AGBL4: variants seen among roughly 807,000 people sequenced by gnomAD.
AGBL4 encodes cytosolic carboxypeptidase 6.
Under a neutral mutation model 66.4 loss-of-function variants are expected in AGBL4, and 58 were observed. The ratio of observed to expected loss-of-function variants is 0.87; its 90% CI spans 0.71 to 1.09. AGBL4 has a LOEUF of 1.09. Ranked by LOEUF, AGBL4 falls within the 50% of genes least tolerant of loss-of-function variation. The pLI is 0.00. For missense variants in AGBL4, 579 were observed against 631.0 expected (o/e 0.92, Z 0.88); for synonymous variants, 234 against 222.9 (o/e 1.05, Z -0.44).
chr1:49,464,692 C>T (rs548785010), intron 3 of AGBL4, among the ~76,000 whole-genome samples: 1 of 151,762 alleles, frequency 6.6e-6, no homozygotes, highest in East Asian at 2.0e-4. Context: ...AGTGAGATAA[C>T]ACAGGCACAT....
intron 2 of AGBL4, among the ~76,000 whole-genome samples, chr1:49,849,393 T>TTTA (rs61688417): frequency 0.21 from 27,473 of 129,778 alleles, 2,854 homozygotes; most frequent in East Asian, 0.36. Context: ...ATTCATCTAA[T>TTTA]TTATTATTAT....
chr1:49,734,536 T>G (rs1471700384), intron 2 of AGBL4, among the ~76,000 whole-genome samples: 2 of 151,918 alleles, frequency 1.3e-5, no homozygotes, highest in Non-Finnish European at 1.5e-5. Flanking sequence ...GAAGAAAAAT[T>G]CAATTCATAA....
At chr1:48,670,391 C>G (rs1467681226) in intron 6 of AGBL4, among the ~76,000 whole-genome samples, 2 of 152,226 alleles carry the variant, frequency 1.3e-5, no homozygotes, top group African/African-American at 2.4e-5. Flanking sequence ...GCAGCCTCCT[C>G]TCACTACACT....
At chr1:49,711,450 A>T (rs933132498) in intron 2 of AGBL4, among the ~76,000 whole-genome samples, 1 of 152,124 alleles carries the variant, frequency 6.6e-6, no homozygotes, top group African/African-American at 2.4e-5. Flanking sequence ...ATCAATCTCA[A>T]ATCATTATGT....
intron 3 of AGBL4, among the ~76,000 whole-genome samples, chr1:49,325,547 C>T (rs1236955557): frequency 6.6e-6 from 1 of 152,160 alleles, no homozygotes; most frequent in Non-Finnish European, 1.5e-5. Context: ...TTACCATTTC[C>T]ATTGCTTCTC....
chr1:49,898,473 G>T (rs548075649), intron 1 of AGBL4, among the ~76,000 whole-genome samples: 85 of 151,986 alleles, frequency 5.6e-4, no homozygotes, highest in Non-Finnish European at 1.0e-3. Flanking sequence ...AACAAACACC[G>T]GCGAGGATGT....
chr1:49,452,808 C>T (rs1646307348), intron 3 of AGBL4, among the ~76,000 whole-genome samples: 1 of 151,800 alleles, frequency 6.6e-6, no homozygotes, highest in South Asian at 2.1e-4. Flanking sequence ...AAGGAATTAT[C>T]ATTCATGCCT....
At chr1:49,404,691 C>A (rs935248980) in intron 3 of AGBL4, among the ~76,000 whole-genome samples, 2 of 152,012 alleles carry the variant, frequency 1.3e-5, no homozygotes, top group Non-Finnish European at 2.9e-5. Context: ...ATTATGAATT[C>A]TTTATGTCAT....
At chr1:48,951,360 G>A (rs532002115) in intron 5 of AGBL4, among the ~76,000 whole-genome samples, 57 of 152,294 alleles carry the variant, frequency 3.7e-4, no homozygotes, top group Middle Eastern at 6.8e-3. Context: ...AGTTGGAGGG[G>A]AAGCTCCTGT....
intron 3 of AGBL4, among the ~76,000 whole-genome samples, chr1:49,600,464 T>C (rs989508596): frequency 6.6e-6 from 1 of 152,218 alleles, no homozygotes; most frequent in Non-Finnish European, 1.5e-5. Flanking sequence ...ATTTGCTTGG[T>C]AAATATTCCT....
At chr1:49,493,980 G>T (rs191473832) in intron 3 of AGBL4, among the ~76,000 whole-genome samples, 181 of 152,006 alleles carry the variant, frequency 1.2e-3, no homozygotes, top group African/African-American at 4.3e-3. Context: ...CAGAGGAAGG[G>T]ACTGGAAAGG....
chr1:49,279,335 C>T (rs1349069617), intron 3 of AGBL4, among the ~76,000 whole-genome samples: 1 of 152,154 alleles, frequency 6.6e-6, no homozygotes, highest in Non-Finnish European at 1.5e-5. Context: ...AAGCCAGGCG[C>T]TGTCTTCAAC....
At chr1:49,856,057 A>G (rs1414749909) in intron 1 of AGBL4, among the ~76,000 whole-genome samples, 2 of 151,874 alleles carry the variant, frequency 1.3e-5, no homozygotes, top group Non-Finnish European at 2.9e-5. Flanking sequence ...AAAAAAAGAC[A>G]TTACAACTGA....
chr1:48,609,877 G>T (rs1185012783), intron 9 of AGBL4, among the ~76,000 whole-genome samples: 2 of 152,276 alleles, frequency 1.3e-5, no homozygotes, highest in Non-Finnish European at 2.9e-5. Flanking sequence ...CATTGTCCTA[G>T]ATTTGGTTCA....
At chr1:50,006,317 C>T (rs1419798744) in intron 1 of AGBL4, among the ~76,000 whole-genome samples, 6 of 144,376 alleles carry the variant, frequency 4.2e-5, no homozygotes, top group Middle Eastern at 3.6e-3. Flanking sequence ...CCAGCCTGGG[C>T]GACAGAGCAA....
chr1:49,384,040 C>G (rs1402355166), intron 3 of AGBL4, among the ~76,000 whole-genome samples: 1 of 151,776 alleles, frequency 6.6e-6, no homozygotes, highest in African/African-American at 2.4e-5. Context: ...TGTGATCCGC[C>G]CACCTCGGCC....
chr1:49,260,175 T>G (rs1007219001), intron 3 of AGBL4, among the ~76,000 whole-genome samples: 3 of 151,732 alleles, frequency 2.0e-5, no homozygotes, highest in Non-Finnish European at 4.4e-5. Context: ...GAGGGAAATT[T>G]ATAGCACTGA....
intron 9 of AGBL4, among the ~76,000 whole-genome samples, chr1:48,622,990 G>A (rs1353131558): frequency 6.6e-6 from 1 of 152,114 alleles, no homozygotes; most frequent in Non-Finnish European, 1.5e-5. Context: ...ATTTAAACGC[G>A]GGCCTGAGCC....
intron 5 of AGBL4, among the ~76,000 whole-genome samples, chr1:48,952,734 T>C (rs996249421): frequency 1.3e-5 from 2 of 152,130 alleles, no homozygotes; most frequent in African/African-American, 2.4e-5. Context: ...TGGAATTGGA[T>C]AGATCCCAGG....
Sources: allele counts gnomAD v4.1 joint callset (sites outside exome capture counted in the v4.1 genomes callset), GRCh38; gene constraint gnomAD v4.1.1; transcripts MANE v1.5; gene names NCBI Gene and HGNC (gene_info 2026-07-23, HGNC 2026-07-21).